The following IL1RAPL2 variants were observed in gnomAD, a reference collection of about 807,000 sequenced individuals.
IL1RAPL2 encodes the protein interleukin 1 receptor accessory protein like 2.
A neutral mutation model predicts 44.1 loss-of-function variants in IL1RAPL2; 3 were observed. The observed-to-expected ratio is 0.07, with a 90% confidence interval of 0.03 to 0.18. The LOEUF (loss-of-function observed/expected upper bound fraction) is 0.18. Among genes scored for constraint, IL1RAPL2 ranks in the 10% least tolerant of loss-of-function variants. IL1RAPL2 has a pLI of 1.00. For missense variants in IL1RAPL2, 391 were observed against 496.4 expected (o/e 0.79, Z 2.02); for synonymous variants, 181 against 178.8 (o/e 1.01, Z -0.10).
At chrX:104,900,411 CAT>C (rs1312409223) in intron 2 of IL1RAPL2, among the ~76,000 whole-genome samples, 2 of 111,223 alleles carry the variant, frequency 1.8e-5, no homozygotes, top group Non-Finnish European at 3.8e-5. Context: ...AGGTTCTTAA[CAT>C]ACAGTACACA....
In IL1RAPL2 at chrX:104,639,434, T is replaced by C. The variant is rs955746943; in HGVS notation, c.-19-19461T>C. ...CATTCTTTTATATTCAAGATTATTA[T>C]TGATCTGTGAGGCTTTTCTCCTGTC... On this transcript the variant is annotated intron_variant, in intron 1 of 10. Transcript: ENST00000372582. Among the ~76,000 whole-genome samples the C allele has an allele frequency of 2.7e-5, 3 of 112,162 alleles. No individual in the cohort carries two copies. The East Asian group carries it at 8.3e-4, about 31-fold the overall frequency.
Position 105,303,930 on chromosome X carries a change from G to A in IL1RAPL2, c.697+36389G>A, listed in dbSNP as rs148050528. On this transcript the variant is annotated intron_variant, in intron 5 of 10. Coordinates refer to ENST00000372582, the MANE Select transcript of IL1RAPL2 (RefSeq NM_017416.2). Reference sequence around the variant, plus strand: ...CAGTTGCACTTGGAAGTACTCACCAGATTCAGAAGACATCTTTCAGATTCA... The same window carrying A: ...CAGTTGCACTTGGAAGTACTCACCAAATTCAGAAGACATCTTTCAGATTCA... 5.3e-4 allele frequency among the ~76,000 whole-genome samples: 60 copies of A among 112,820 alleles called. No individual in the cohort carries two copies. The East Asian group carries it at 0.01, about 19-fold the overall frequency.
At chrX:105,596,338 AT>A (rs1230985209) in intron 6 of IL1RAPL2, among the ~76,000 whole-genome samples, 10 of 102,915 alleles carry the variant, frequency 9.7e-5, no homozygotes, top group African/African-American at 3.2e-4. Flanking sequence ...TTGGTACGTT[AT>A]TTTTTTTTGT....
intron 6 of IL1RAPL2, among the ~76,000 whole-genome samples, chrX:105,520,474 G>A (rs1198007085): frequency 8.9e-6 from 1 of 111,874 alleles, no homozygotes; most frequent in Admixed American, 9.5e-5. Flanking sequence ...TCTGTCAGCT[G>A]CATAAGAAAA....
chrX:105,682,869 T>C (rs944572996), intron 6 of IL1RAPL2, among the ~76,000 whole-genome samples: 9 of 112,498 alleles, frequency 8.0e-5, no homozygotes, highest in African/African-American at 2.6e-4. Context: ...TTTATTTTTT[T>C]ATATGCAGGA....
At chrX:104,597,761 A>C (rs955636106) in intron 1 of IL1RAPL2, among the ~76,000 whole-genome samples, 2 of 110,931 alleles carry the variant, frequency 1.8e-5, no homozygotes, top group African/African-American at 6.6e-5. Context: ...TTGAGACTTC[A>C]GGCAAATGGA....
intron 8 of IL1RAPL2, among the ~76,000 whole-genome samples, chrX:105,747,204 G>C (rs1455550465): frequency 9.2e-6 from 1 of 109,122 alleles, no homozygotes; most frequent in Non-Finnish European, 1.9e-5. Context: ...TTTTTTACCT[G>C]AAATTTTGTG....
chrX:105,630,681 G>C (rs1326935089), intron 6 of IL1RAPL2, among the ~76,000 whole-genome samples: 2 of 110,080 alleles, frequency 1.8e-5, no homozygotes, highest in Non-Finnish European at 3.8e-5. Context: ...AAATGAAAAT[G>C]GTCTGAAAAG....
intron 2 of IL1RAPL2, among the ~76,000 whole-genome samples, chrX:104,999,771 A>G (rs1249204092): frequency 1.8e-5 from 2 of 110,765 alleles, no homozygotes; most frequent in Admixed American, 9.6e-5. Flanking sequence ...AGACGGAAAA[A>G]TTTCCCCAAA....
chrX:105,183,766 G>A (rs2033557313), intron 2 of IL1RAPL2, among the ~76,000 whole-genome samples: 1 of 111,612 alleles, frequency 9.0e-6, no homozygotes, highest in Non-Finnish European at 1.9e-5. Flanking sequence ...GCCAGGCCCA[G>A]CTGGCATTGC....
chrX:104,738,584 G>T (rs919992472), intron 2 of IL1RAPL2, among the ~76,000 whole-genome samples: 19 of 111,495 alleles, frequency 1.7e-4, no homozygotes, highest in African/African-American at 5.9e-4. Flanking sequence ...CTAAGTGGGT[G>T]GGTATAGTAT....
At chrX:105,497,228 A>G (rs1411427553) in intron 6 of IL1RAPL2, among the ~76,000 whole-genome samples, 11 of 111,142 alleles carry the variant, frequency 9.9e-5, no homozygotes, top group Non-Finnish European at 2.1e-4. Context: ...AGAAGATACT[A>G]TTATGAACAA....
chrX:104,918,118 C>T (rs1260606971), intron 2 of IL1RAPL2, among the ~76,000 whole-genome samples: 4 of 112,269 alleles, frequency 3.6e-5, no homozygotes, highest in Non-Finnish European at 7.5e-5. Flanking sequence ...TGGTCTGTCG[C>T]TACCAGTGTT....
At chrX:104,768,503 A>C (rs1932591509) in intron 2 of IL1RAPL2, among the ~76,000 whole-genome samples, 1 of 111,432 alleles carries the variant, frequency 9.0e-6, no homozygotes, top group Non-Finnish European at 1.9e-5. Context: ...CAGCCTTCTC[A>C]AACACTGTTT....
chrX:104,675,648 T>C (rs1017236575), intron 2 of IL1RAPL2, among the ~76,000 whole-genome samples: 1 of 110,880 alleles, frequency 9.0e-6, no homozygotes, highest in Non-Finnish European at 1.9e-5. Context: ...AATTCCTGGG[T>C]ATCCTTGTTG....
intron 2 of IL1RAPL2, among the ~76,000 whole-genome samples, chrX:104,753,742 T>C (rs2147585193): frequency 9.0e-6 from 1 of 111,517 alleles, no homozygotes; most frequent in African/African-American, 3.3e-5. Context: ...AATGTGTGAA[T>C]CAGGTTATAG....
At chrX:104,896,420 C>A (rs1253875978) in intron 2 of IL1RAPL2, among the ~76,000 whole-genome samples, 1 of 111,514 alleles carries the variant, frequency 9.0e-6, no homozygotes, top group Admixed American at 9.5e-5. Flanking sequence ...TTGCCCCTAT[C>A]CAGCAGGAAG....
intron 6 of IL1RAPL2, among the ~76,000 whole-genome samples, chrX:105,581,431 AT>A (rs902203312): frequency 1.8e-5 from 2 of 111,619 alleles, no homozygotes; most frequent in Admixed American, 9.6e-5. Flanking sequence ...CATAAACGAG[AT>A]TTAACTGTAT....
chrX:105,273,158 T>A (rs757577527), intron 5 of IL1RAPL2, among the ~76,000 whole-genome samples: 10 of 111,890 alleles, frequency 8.9e-5, no homozygotes, highest in African/African-American at 2.9e-4. Context: ...TATTGAGAGC[T>A]CACTGTGCAA....
Sources: allele counts gnomAD v4.1 joint callset (sites outside exome capture counted in the v4.1 genomes callset), GRCh38; gene constraint gnomAD v4.1.1; transcripts MANE v1.5; gene names NCBI Gene and HGNC (gene_info 2026-07-23, HGNC 2026-07-21).